The following ZNF462 variants were observed in gnomAD, a reference collection of about 807,000 sequenced individuals.
ZNF462 encodes zinc finger PBX1-interacting protein.
Under a neutral mutation model 201.9 loss-of-function variants are expected in ZNF462, and 10 were observed. That is an observed-to-expected ratio of 0.05 (90% CI 0.03 to 0.08). ZNF462 has a LOEUF of 0.08. Ranked by LOEUF, ZNF462 falls within the 10% of genes least tolerant of loss-of-function variation. The pLI is 1.00. For synonymous variants in ZNF462, 1,227 were observed against 1,193.3 expected, an observed-to-expected ratio of 1.03 and a Z score of -0.58; for missense variants, 2,523 against 3,168.3, an observed-to-expected ratio of 0.80 and a Z score of 4.89.
intron 7 of ZNF462, among the ~76,000 whole-genome samples, chr9:106,944,884 G>A (rs547147697): frequency 1.3e-5 from 2 of 152,128 alleles, no homozygotes; most frequent in African/African-American, 2.4e-5. Flanking sequence ...AGCACTGTAG[G>A]TTATGCAGTC....
chr9:106,881,108 G>C (rs1053183655), intron 1 of ZNF462, among the ~76,000 whole-genome samples: 3 of 152,182 alleles, frequency 2.0e-5, no homozygotes, highest in African/African-American at 7.2e-5. Context: ...TTGGCAGGAG[G>C]ACCTGCTGAG....
chr9:106,982,741 C>T (rs930839864), intron 9 of ZNF462, among the ~76,000 whole-genome samples: 1 of 152,070 alleles, frequency 6.6e-6, no homozygotes, highest in African/African-American at 2.4e-5. Context: ...TTTTGCGGGC[C>T]GATTAATCGC....
rs1291451209 is a variant in ZNF462, at chr9:106,880,385, A to G, written c.-31+17030A>G. Among the ~76,000 whole-genome samples, 1 of 152,148 alleles carries G rather than the reference A, an allele frequency of 6.6e-6. No homozygotes were observed. The highest frequency in any genetic ancestry group is 1.5e-5 in the Non-Finnish European group (1 of 68,024). On this transcript the variant is annotated intron_variant, in intron 1 of 12. Transcript: ENST00000277225. This position sits in a 1 kb window ranked among gnomAD's most constrained non-coding sequence, Gnocchi z 4.1. ...AATTCCTTCTTTCAGCTACCTTACC[A>G]CTTGTTTTCCATAGTTGAGAAAACT...
chr9:106,932,349 T>C lies in ZNF462; in HGVS notation c.6013-97T>C. On this transcript the variant is annotated intron_variant, in intron 4 of 12. Coordinates refer to ENST00000277225, the MANE Select transcript of ZNF462 (RefSeq NM_021224.6). The surrounding 1 kb of genome is among the most constrained non-coding windows in gnomAD (Gnocchi z 6.8). ...GTGGCGCCCTGGTGGGCCGGGTGGA[T>C]GGTGAACACTGCTTGCTTGATGGAA... is the stretch of plus-strand genomic sequence containing the variant. 1 of 1,583,476 alleles carries C rather than the reference T, an allele frequency of 6.3e-7. No individual in the cohort carries two copies. The highest frequency in any genetic ancestry group is 8.6e-7 in the Non-Finnish European group (1 of 1,164,356).
intron 1 of ZNF462, among the ~76,000 whole-genome samples, chr9:106,894,827 T>C (rs951496297): frequency 1.3e-5 from 2 of 152,226 alleles, no homozygotes; most frequent in African/African-American, 4.8e-5. Context: ...TAGTAAGTTT[T>C]ATATTGATAA....
intron 10 of ZNF462, chr9:106,995,403 C>T (rs1828629301): frequency 6.6e-6 from 1 of 152,024 alleles, no homozygotes; most frequent in Non-Finnish European, 1.5e-5. Flanking sequence ...TGTTCTATCC[C>T]ATCACATTTT....
At chr9:106,994,639 C>T (rs1828558159) in intron 10 of ZNF462, among the ~76,000 whole-genome samples, 1 of 152,158 alleles carries the variant, frequency 6.6e-6, no homozygotes, top group South Asian at 2.1e-4. Flanking sequence ...AGTTCTGCTT[C>T]TTGGTTTGTT....
In ZNF462 at chr9:106,970,996, G is replaced by A. The variant is rs367901224; in HGVS notation, c.6428-1009G>A. On this transcript the variant is annotated intron_variant, in intron 7 of 12. Transcript: ENST00000277225. This position sits in a 1 kb window ranked among gnomAD's most constrained non-coding sequence, Gnocchi z 4.2. Reference sequence around the variant, plus strand: ...CGCAAACTTTAAAATACCTTTCAGGGAAACTTGTTTGGAATTTCATTTTAA... The same window carrying A: ...CGCAAACTTTAAAATACCTTTCAGGAAAACTTGTTTGGAATTTCATTTTAA... Among the ~76,000 whole-genome samples the A allele has an allele frequency of 6.2e-4, 95 of 152,014 alleles. 1 individual carries two copies. The South Asian group carries it at 0.018, about 29-fold the overall frequency.
Position 106,993,207 on chromosome 9 carries a change from T to C in ZNF462, c.7056+8798T>C, listed in dbSNP as rs1178372577. Among the ~76,000 whole-genome samples, 2 of 152,142 alleles carry C rather than the reference T, an allele frequency of 1.3e-5. No individual in the cohort carries two copies. The highest frequency in any genetic ancestry group is 6.5e-5 in the Admixed American group (1 of 15,268). On this transcript the variant is annotated intron_variant, in intron 10 of 12. Coordinates refer to ENST00000277225, the MANE Select transcript of ZNF462 (RefSeq NM_021224.6). This position sits in a 1 kb window ranked among gnomAD's most constrained non-coding sequence, Gnocchi z 4.0. The stretch of plus-strand genomic sequence containing the variant: ...GACTTCTGAATTCTGCCTGCAAAGG[T>C]TATAAACCTCAGGAACATCTGTAAA...
intron 7 of ZNF462, among the ~76,000 whole-genome samples, chr9:106,941,857 G>A (rs922038792): frequency 7.9e-5 from 12 of 152,186 alleles, no homozygotes; most frequent in Non-Finnish European, 1.3e-4. Context: ...CTAAGGAGCC[G>A]GATGGTGGAT....
rs10978675 is a variant in ZNF462, at chr9:106,920,935, G to T, written c.-30-2419G>T. ...TTTCTAAAGGCTTGAAGTTTTGAAG[G>T]GAAGAGATTTTGTTTTCCTCTCTGC... On this transcript the variant is annotated intron_variant, in intron 1 of 12. Transcript: ENST00000277225. This position sits in a 1 kb window ranked among gnomAD's most constrained non-coding sequence, Gnocchi z 4.3. 6.6e-5 allele frequency among the ~76,000 whole-genome samples: 10 copies of T among 152,086 alleles called. No individual in the cohort carries two copies. The highest frequency in any genetic ancestry group is 2.4e-4 in the African/African-American group (10 of 41,400).
At chr9:106,882,318 A>G (rs1253009953) in intron 1 of ZNF462, among the ~76,000 whole-genome samples, 1 of 152,212 alleles carries the variant, frequency 6.6e-6, no homozygotes, top group Non-Finnish European at 1.5e-5. Flanking sequence ...AACCAAACCT[A>G]GCATTTTTAA....
At chr9:106,990,881 T>C (rs1828221070) in intron 10 of ZNF462, among the ~76,000 whole-genome samples, 1 of 152,052 alleles carries the variant, frequency 6.6e-6, no homozygotes, top group African/African-American at 2.4e-5. Flanking sequence ...ATGGCAGTGC[T>C]ATTGAAACTG....
Position 106,902,272 on chromosome 9 carries a change from A to C in ZNF462, c.-30-21082A>C, listed in dbSNP as rs766251894. ...TCCCTGCATCCCTGGTATGAAACCC[A>C]CTTGATCATGGTGGATTATCTTTTT... On this transcript the variant is annotated intron_variant, in intron 1 of 12. Coordinates refer to ENST00000277225, the MANE Select transcript of ZNF462 (RefSeq NM_021224.6). This position sits in a 1 kb window ranked among gnomAD's most constrained non-coding sequence, Gnocchi z 4.2. 1.3e-5 allele frequency among the ~76,000 whole-genome samples: 2 copies of C among 152,144 alleles called. No homozygotes were observed. Among genetic ancestry groups the C allele is most frequent in the African/African-American group, 4.8e-5 (2 of 41,422 alleles).
rs758921954 is a variant in ZNF462 at position 106,926,875 on chromosome 9, T to G, written c.2963T>G (p.Met988Arg). The G allele has an allele frequency of 1.9e-6, 3 of 1,614,020 alleles. No homozygotes were observed. The African/African-American group carries it at 4.0e-5, about 22-fold the overall frequency. Residue 988 changes from methionine (M) to arginine (R), a missense_variant, in exon 3 of 13, where the codon ATG (methionine) becomes AGG (arginine). Transcript: ENST00000277225. This position sits in a 1 kb window ranked among gnomAD's most constrained non-coding sequence, Gnocchi z 7.9. The part of the protein sequence containing the change: ...REILNSAPKN[M>R]ATSTPVARGG... Reference sequence around the variant, plus strand: ...ATTCTGAATTCGGCTCCCAAGAACATGGCGACTTCCACACCTGTGGCTCGT... The same window carrying G: ...ATTCTGAATTCGGCTCCCAAGAACAGGGCGACTTCCACACCTGTGGCTCGT...
rs535663444 is a variant in ZNF462, at chr9:106,950,837, C to G, written c.6427+11730C>G. ...AGGCGTGGTGGCTCGCACCTGTAAT[C>G]TCAGCACTTTGGGAGGCCAAGGCAG... is the stretch of plus-strand genomic sequence containing the variant. On this transcript the variant is annotated intron_variant, in intron 7 of 12. Transcript: ENST00000277225. This position sits in a 1 kb window ranked among gnomAD's most constrained non-coding sequence, Gnocchi z 4.1. Among the ~76,000 whole-genome samples, 1 of 152,258 alleles carries G rather than the reference C, an allele frequency of 6.6e-6. No individual in the cohort carries two copies. The highest frequency in any genetic ancestry group is 2.4e-5 in the African/African-American group (1 of 41,552).
intron 7 of ZNF462, among the ~76,000 whole-genome samples, chr9:106,958,290 T>C (rs1039862365): frequency 2.0e-5 from 3 of 152,124 alleles, no homozygotes; most frequent in Non-Finnish European, 4.4e-5. Flanking sequence ...TGCTCCCTGC[T>C]TAAAGCCCTT....
chr9:106,993,937 G>A lies in ZNF462; in HGVS notation c.7057-9357G>A, dbSNP rs1013343418. Among the ~76,000 whole-genome samples the A allele has an allele frequency of 1.3e-5, 2 of 151,988 alleles. No homozygotes were observed. The highest frequency in any genetic ancestry group is 2.9e-5 in the Non-Finnish European group (2 of 67,982). On this transcript the variant is annotated intron_variant, in intron 10 of 12. Coordinates refer to ENST00000277225, the MANE Select transcript of ZNF462 (RefSeq NM_021224.6). This position sits in a 1 kb window ranked among gnomAD's most constrained non-coding sequence, Gnocchi z 4.0. ...AGACAACATCTTTAGGAACCTTAAA[G>A]TCATGAAGAAAAACAAACCTTGCAC...
chr9:106,987,034 T>G (rs1187893641), intron 10 of ZNF462, among the ~76,000 whole-genome samples: 1 of 144,342 alleles, frequency 6.9e-6, no homozygotes, highest in Admixed American at 7.1e-5. Flanking sequence ...GATAGATAGA[T>G]AGATATCACA....
Sources: allele counts gnomAD v4.1 joint callset (sites outside exome capture counted in the v4.1 genomes callset), GRCh38; gene constraint gnomAD v4.1.1; non-coding constraint Gnocchi (gnomAD v3.1); transcripts MANE v1.5; gene names NCBI Gene and HGNC (gene_info 2026-07-23, HGNC 2026-07-21).